The following METAP2 variants were observed in gnomAD, a reference collection of about 807,000 sequenced individuals.
METAP2 encodes methionine aminopeptidase 2.
A neutral mutation model predicts 59.4 loss-of-function variants in METAP2; 25 were observed. The observed-to-expected ratio is 0.42, with a 90% CI of 0.31 to 0.59. The LOEUF (loss-of-function observed/expected upper bound fraction) is 0.59. METAP2 is among the 20% of genes least tolerant of loss of function. The pLI is 0.16. For missense variants in METAP2, 366 were observed against 581.2 expected, an observed-to-expected ratio of 0.63 and a Z score of 3.81; for synonymous variants, 214 against 194.1, an observed-to-expected ratio of 1.10 and a Z score of -0.85.
Position 95,504,073 on chromosome 12 carries a change from A to C in METAP2, c.876A>C (p.Gly292=). The C allele has an allele frequency of 6.2e-7, 1 of 1,612,674 alleles. No individual in the cohort carries two copies. Among genetic ancestry groups the C allele is most frequent in the Non-Finnish European group, 8.5e-7 (1 of 1,179,400 alleles). Residue 292 remains glycine, a synonymous_variant, in exon 8 of 11, where the codon GGA becomes GGC. Transcript: ENST00000323666. ...TGTTACTCTTTTTTTAGTGTGCTGGAATTGATGTTCGTCTGTGTGATGTTG... is the reference window on the plus strand; with the variant it reads ...TGTTACTCTTTTTTTAGTGTGCTGGCATTGATGTTCGTCTGTGTGATGTTG... The part of the protein sequence containing the change: ...DATNTGIKCA[G]IDVRLCDVGE...
chr12:95,496,121 T>C, intron 7 of METAP2, 23 bp downstream of exon 7: 1 of 1,442,018 alleles, frequency 6.9e-7, no homozygotes, highest in Non-Finnish European at 9.6e-7. Flanking sequence ...TAAGCACCAT[T>C]TCATTCCCAA....
intron 7 of METAP2, among the ~76,000 whole-genome samples, chr12:95,498,562 A>G (rs968340158): frequency 6.6e-5 from 10 of 152,152 alleles, no homozygotes; most frequent in Admixed American, 2.0e-4. Flanking sequence ...TTATAGTTTC[A>G]GGTCTTCAAC....
chr12:95,492,372 A>G (rs77452440), intron 4 of METAP2, among the ~76,000 whole-genome samples: 3,519 of 152,156 alleles, frequency 0.023, 141 homozygotes, highest in African/African-American at 0.08. Context: ...ACTCTTAGTA[A>G]AGGTGTGTTG....
intron 2 of METAP2, 51 bp downstream of exon 2, chr12:95,476,229 G>C: frequency 1.6e-6 from 2 of 1,243,920 alleles, no homozygotes; most frequent in Non-Finnish European, 2.3e-6. Context: ...AAATGTAGCC[G>C]GGTGTGGTGG....
In METAP2 at chr12:95,495,015, C is replaced by G; in HGVS notation, c.649C>G (p.Leu217Val). 1 of 1,613,762 alleles carries G rather than the reference C, an allele frequency of 6.2e-7. No homozygotes were observed. Among genetic ancestry groups the G allele is most frequent in the South Asian group, 1.1e-5 (1 of 91,054 alleles). Reference sequence around the variant, plus strand: ...AAAAGAGAATGGATTAAATGCAGGCCTGGCATTTCCTACTGGATGTTCTCT... The same window carrying G: ...AAAAGAGAATGGATTAAATGCAGGCGTGGCATTTCCTACTGGATGTTCTCT... Reference protein sequence around the residue: ...LIKENGLNAGLAFPTGCSLNN... With the variant: ...LIKENGLNAGVAFPTGCSLNN... The change falls in exon 6 of 11, where the codon CTG (leucine) becomes GTG (valine). Residue 217 changes from leucine to valine, a missense_variant. Physicochemically the swap from Leu to Val is conservative, Grantham distance 32. Transcript: ENST00000323666.
In METAP2 at chr12:95,494,865, G is replaced by A. The variant is rs1490129825; in HGVS notation, c.591-92G>A. 22 of 1,030,696 alleles carry A rather than the reference G, an allele frequency of 2.1e-5. No individual in the cohort carries two copies. In the East Asian group the frequency reaches 3.9e-4, roughly 18 times the overall value. The allele number at this position is 1,030,696 out of a possible 1,614,324, so 63.8% of individuals were successfully genotyped here. A position where few individuals can be genotyped will look rare whatever the true frequency, so the allele number is the denominator to read the frequency against. On this transcript the variant is annotated intron_variant, in intron 5 of 10. Transcript: ENST00000323666. ...TCCCAGAAGGTATTTAAGGTTTTTA[G>A]TAAACTTTCTGGACTTGATGAACTA... is the stretch of plus-strand genomic sequence containing the variant.
In METAP2 at chr12:95,513,821, G is replaced by A. The variant is rs202060998; in HGVS notation, c.1354G>A (p.Gly452Arg). Residue 452 changes from glycine to arginine, a missense_variant, in exon 11 of 11, where the codon GGA becomes AGA. Transcript: ENST00000323666. ...DPYPPLCDIK[G>R]SYTAQFEHTI... ...ATATCCACCATTATGTGACATTAAA[G>A]GATCATATACAGCGCAATTTGAACA... is the stretch of plus-strand genomic sequence containing the variant. 2.5e-6 allele frequency: 4 copies of A among 1,614,170 alleles called. No individual in the cohort carries two copies. The highest frequency in any genetic ancestry group is 3.4e-6 in the Non-Finnish European group (4 of 1,180,026).
intron 7 of METAP2, among the ~76,000 whole-genome samples, chr12:95,502,837 T>C (rs2076326561): frequency 6.6e-6 from 1 of 152,060 alleles, no homozygotes; most frequent in Non-Finnish European, 1.5e-5. Flanking sequence ...TCAAATACTT[T>C]TGAATTCTCC....
At position 95,515,747 on chromosome 12, in the gene METAP2, T is replaced by G. The variant is rs966669194; in HGVS notation, c.*1843T>G. ...TATTAGCCATGTATCTCTTAAAATT[T>G]TGTTATGTTTACAACGATGTACCTT... On this transcript the variant is annotated 3_prime_UTR_variant, in exon 11 of 11. Coordinates refer to ENST00000323666, the MANE Select transcript of METAP2 (RefSeq NM_006838.4). 2 of 152,230 alleles carry G rather than the reference T, an allele frequency of 1.3e-5. No homozygotes were observed. Among genetic ancestry groups the G allele is most frequent in the African/African-American group, 4.8e-5 (2 of 41,464 alleles). The allele number at this position is 152,230 out of a possible 1,614,324, so 9.4% of individuals were successfully genotyped here.
At position 95,513,826 on chromosome 12, in the gene METAP2, A is replaced by G; in HGVS notation, c.1359A>G (p.Ser453=). 5 of 1,614,216 alleles carry G rather than the reference A, an allele frequency of 3.1e-6. No homozygotes were observed. The highest frequency in any genetic ancestry group is 3.4e-6 in the Non-Finnish European group (4 of 1,180,026). Residue 453 remains serine, a synonymous_variant, in exon 11 of 11, where the codon TCA becomes TCG. Coordinates refer to ENST00000323666, the MANE Select transcript of METAP2 (RefSeq NM_006838.4). ...CACCATTATGTGACATTAAAGGATC[A>G]TATACAGCGCAATTTGAACATACCA... ...PYPPLCDIKG[S]YTAQFEHTIL...
At position 95,514,784 on chromosome 12, in the gene METAP2, C is replaced by G. The variant is rs553495436; in HGVS notation, c.*880C>G. 2.6e-5 allele frequency: 4 copies of G among 152,074 alleles called. No homozygotes were observed. Among genetic ancestry groups the G allele is most frequent in the Admixed American group, 2.6e-4 (4 of 15,260 alleles). 9.4% of individuals were successfully genotyped at this position (152,074 alleles called of 1,614,324 possible). ...AAGCAAAGAAGAAAAAAAAAAACTTCCCATGTTTGGATCTTGTTCTAGTTA... is the reference window on the plus strand; with the variant it reads ...AAGCAAAGAAGAAAAAAAAAAACTTGCCATGTTTGGATCTTGTTCTAGTTA... On this transcript the variant is annotated 3_prime_UTR_variant, in exon 11 of 11. Transcript: ENST00000323666.
rs5800208 is a variant in METAP2, at chr12:95,487,316, AT to A, written c.428+1346del. The stretch of plus-strand genomic sequence containing the variant: ...TGTTTTCTTGGCCTGTAAAGACACC[AT>A]TTTTTTTTTTAAAACATAGAAAAAA... On this transcript the variant is annotated intron_variant, in intron 4 of 10. Transcript: ENST00000323666. Among the ~76,000 whole-genome samples, 63 of 148,478 alleles carry A rather than the reference AT, an allele frequency of 4.2e-4. No individual in the cohort carries two copies. In the East Asian group the frequency reaches 4.3e-3, roughly 10 times the overall value.
intron 4 of METAP2, among the ~76,000 whole-genome samples, chr12:95,492,224 C>T (rs1488157606): frequency 6.6e-6 from 1 of 151,936 alleles, no homozygotes; most frequent in Non-Finnish European, 1.5e-5. Context: ...TTGTCTTGAA[C>T]TGTTGTCCTC....
At chr12:95,482,633 A>C (rs2076167298) in intron 2 of METAP2, among the ~76,000 whole-genome samples, 2 of 151,746 alleles carry the variant, frequency 1.3e-5, no homozygotes, top group Non-Finnish European at 2.9e-5. Context: ...AAAAAAAAAA[A>C]AAATTAGATG....
intron 1 of METAP2, among the ~76,000 whole-genome samples, chr12:95,475,576 C>G (rs2076112004): frequency 6.6e-6 from 1 of 152,144 alleles, no homozygotes. Context: ...GAGCAGGGGC[C>G]TGGTCTTGTG....
At chr12:95,495,865 G>T in intron 6 of METAP2, 139 bp from the exon 7 acceptor site, 2 of 598,742 alleles carry the variant, frequency 3.3e-6, no homozygotes, top group Admixed American at 3.0e-5. Flanking sequence ...AATGATCTTT[G>T]GGTATTTGGA....
chr12:95,484,876 A>G (rs527512906), intron 3 of METAP2: 1 of 455,598 alleles, frequency 2.2e-6, no homozygotes, highest in Non-Finnish European at 4.4e-6. Context: ...CATTTCAGGT[A>G]CTATTCTATG....
chr12:95,512,906 GTGCCAATA>G lies in METAP2; in HGVS notation c.1175_1182del (p.Val392GlufsTer14). 6.3e-7 allele frequency: 1 copy of G among 1,589,180 alleles called. No homozygotes were observed. Among genetic ancestry groups the G allele is most frequent in the Non-Finnish European group, 8.6e-7 (1 of 1,157,644 alleles). Reference sequence around the variant, plus strand: ...CATGAAAAATTTTGATGTTGGACATGTGCCAATAAGGTGAGAGACGAGACGATTGATTT... The same window carrying G: ...CATGAAAAATTTTGATGTTGGACATGAGGTGAGAGACGAGACGATTGATTT... On this transcript the variant is annotated frameshift_variant and splice_region_variant, in exon 10 of 11. Coordinates refer to ENST00000323666, the MANE Select transcript of METAP2 (RefSeq NM_006838.4). LOFTEE classifies it high-confidence loss of function.
intron 7 of METAP2, among the ~76,000 whole-genome samples, chr12:95,497,443 G>GTA (rs1360123149): frequency 6.6e-5 from 10 of 152,336 alleles, no homozygotes; most frequent in South Asian, 2.1e-4. Context: ...TCTATTGTGT[G>GTA]TATATACCAC....
Sources: gnomAD v4.1 joint callset for allele counts (sites outside exome capture counted in the v4.1 genomes callset) on GRCh38, gnomAD v4.1.1 for gene constraint, MANE v1.5 for transcripts, NCBI Gene and HGNC (gene_info 2026-07-23, HGNC 2026-07-21) for gene names.